ANKS1B: variants seen among roughly 807,000 people sequenced by gnomAD.
The protein encoded by ANKS1B is ankyrin repeat and sterile alpha motif domain containing 1B.
In ANKS1B, 36 loss-of-function variants were observed where a neutral mutation model predicts 148.3. The observed-to-expected ratio is 0.24, with a 90% CI of 0.19 to 0.32. The LOEUF (loss-of-function observed/expected upper bound fraction) is 0.32, where lower values mean the gene tolerates loss of function less well. Among genes scored for constraint, ANKS1B ranks in the 10% least tolerant of loss-of-function variants. The pLI is 1.00. For synonymous variants in ANKS1B, 542 were observed against 560.8 expected, an observed-to-expected ratio of 0.97 and a Z score of 0.47; for missense variants, 1,157 against 1,542.6, an observed-to-expected ratio of 0.75 and a Z score of 4.19.
chr12:99,332,516 A>G (rs1355443546), intron 12 of ANKS1B, among the ~76,000 whole-genome samples: 1 of 151,916 alleles, frequency 6.6e-6, no homozygotes. Flanking sequence ...GCCCTTAATT[A>G]GATCATAGAT....
intron 10 of ANKS1B, among the ~76,000 whole-genome samples, chr12:99,450,755 C>T (rs966890362): frequency 6.6e-5 from 10 of 152,108 alleles, no homozygotes; most frequent in Non-Finnish European, 1.2e-4. Context: ...TTAATGCAAT[C>T]CTTTTAAAGT....
At chr12:99,191,309 C>T (rs756498544) in intron 14 of ANKS1B, among the ~76,000 whole-genome samples, 19 of 152,032 alleles carry the variant, frequency 1.2e-4, no homozygotes, top group Non-Finnish European at 2.5e-4. Flanking sequence ...GATCTAGAAC[C>T]AGAAATACCA....
chr12:99,893,758 C>T (rs1007087590), intron 1 of ANKS1B, among the ~76,000 whole-genome samples: 1 of 152,116 alleles, frequency 6.6e-6, no homozygotes, highest in African/African-American at 2.4e-5. Context: ...TCTGTTTCTG[C>T]GTTAATTCAC....
At chr12:99,888,903 G>A (rs1308360465) in intron 1 of ANKS1B, among the ~76,000 whole-genome samples, 2 of 149,044 alleles carry the variant, frequency 1.3e-5, no homozygotes, top group Non-Finnish European at 3.0e-5. Flanking sequence ...GTTTCAGCAG[G>A]GAGTACAAAA....
At chr12:99,585,990 CA>C (rs1431457108) in intron 9 of ANKS1B, among the ~76,000 whole-genome samples, 2 of 152,184 alleles carry the variant, frequency 1.3e-5, no homozygotes, top group Non-Finnish European at 2.9e-5. Context: ...TGATGATTAA[CA>C]TTTGACTTCT....
At chr12:98,862,157 G>T (rs1054386162) in intron 17 of ANKS1B, among the ~76,000 whole-genome samples, 7 of 152,060 alleles carry the variant, frequency 4.6e-5, no homozygotes, top group African/African-American at 1.7e-4. Flanking sequence ...ATTTTGGTGT[G>T]GTTATGCTGA....
chr12:99,718,143 G>C (rs1031689302), intron 8 of ANKS1B, among the ~76,000 whole-genome samples: 1 of 151,520 alleles, frequency 6.6e-6, no homozygotes, highest in Non-Finnish European at 1.5e-5. Flanking sequence ...CTCGTGATCC[G>C]CCCGCCTCTG....
chr12:99,088,154 T>C (rs1380149518), intron 15 of ANKS1B, among the ~76,000 whole-genome samples: 1 of 152,142 alleles, frequency 6.6e-6, no homozygotes, highest in African/African-American at 2.4e-5. Context: ...AAGGAAAGGA[T>C]TTACTGTCCC....
intron 17 of ANKS1B, among the ~76,000 whole-genome samples, chr12:98,965,785 C>A (rs1210628602): frequency 1.3e-5 from 2 of 152,074 alleles, no homozygotes; most frequent in African/African-American, 4.8e-5. Context: ...CTGACAAAAA[C>A]AAGAAATGGG....
intron 9 of ANKS1B, among the ~76,000 whole-genome samples, chr12:99,531,782 G>C (rs1248544939): frequency 6.6e-6 from 1 of 152,174 alleles, no homozygotes; most frequent in Admixed American, 6.5e-5. Flanking sequence ...TTGCCACACT[G>C]TTTTCCATAG....
At chr12:99,948,002 G>C (rs755347075) in intron 1 of ANKS1B, among the ~76,000 whole-genome samples, 10 of 152,086 alleles carry the variant, frequency 6.6e-5, no homozygotes, top group Non-Finnish European at 1.2e-4. Context: ...CTGTTCAAAG[G>C]CCCATGTGAC....
At chr12:99,832,995 T>A (rs2084276885) in intron 1 of ANKS1B, among the ~76,000 whole-genome samples, 1 of 152,202 alleles carries the variant, frequency 6.6e-6, no homozygotes, top group Non-Finnish European at 1.5e-5. Flanking sequence ...TTATATGCAT[T>A]AGCTTATTTA....
At chr12:99,962,336 A>T (rs540230791) in intron 1 of ANKS1B, among the ~76,000 whole-genome samples, 1 of 152,202 alleles carries the variant, frequency 6.6e-6, no homozygotes, top group South Asian at 2.1e-4. Flanking sequence ...GCTGAGGATG[A>T]CGGCTTCCAG....
At chr12:99,114,518 G>A (rs1791790651) in intron 15 of ANKS1B, among the ~76,000 whole-genome samples, 1 of 152,168 alleles carries the variant, frequency 6.6e-6, no homozygotes, top group Admixed American at 6.5e-5. Flanking sequence ...TTGGGAGGCG[G>A]AGGCTGGTGC....
At chr12:99,749,431 A>G (rs996145598) in intron 8 of ANKS1B, among the ~76,000 whole-genome samples, 1 of 152,132 alleles carries the variant, frequency 6.6e-6, no homozygotes, top group African/African-American at 2.4e-5. Flanking sequence ...GGAAAGGCAG[A>G]TTCCAGATTA....
chr12:99,646,514 C>T (rs917838424), intron 9 of ANKS1B, among the ~76,000 whole-genome samples: 3 of 151,664 alleles, frequency 2.0e-5, no homozygotes, highest in African/African-American at 4.8e-5. Context: ...ATTAGCCGGG[C>T]GTGGTGGCAC....
At chr12:99,293,027 T>G (rs533952237) in intron 12 of ANKS1B, among the ~76,000 whole-genome samples, 1 of 152,314 alleles carries the variant, frequency 6.6e-6, no homozygotes, top group East Asian at 1.9e-4. Flanking sequence ...TTACAAATCA[T>G]GCTACTATAA....
chr12:99,175,681 T>C (rs970336986), intron 14 of ANKS1B, among the ~76,000 whole-genome samples: 1 of 152,170 alleles, frequency 6.6e-6, no homozygotes, highest in Admixed American at 6.6e-5. Flanking sequence ...GAAAAAATAA[T>C]GTGTTCAGGT....
intron 1 of ANKS1B, among the ~76,000 whole-genome samples, chr12:99,910,222 C>A (rs1356036915): frequency 6.6e-6 from 1 of 151,564 alleles, no homozygotes; most frequent in East Asian, 1.9e-4. Flanking sequence ...GGGCATGGTG[C>A]CCCGTGCCTG....
Sources: allele counts gnomAD v4.1 joint callset (sites outside exome capture counted in the v4.1 genomes callset), GRCh38; gene constraint gnomAD v4.1.1; transcripts MANE v1.5; gene names NCBI Gene and HGNC (gene_info 2026-07-23, HGNC 2026-07-21).